SPATA1: variants seen among roughly 807,000 people sequenced by gnomAD.
SPATA1 encodes spermatogenesis-associated protein 1.
In SPATA1, 57 loss-of-function variants were observed where a neutral mutation model predicts 59.6. That is an observed-to-expected ratio of 0.96 (90% CI 0.77 to 1.19). The LOEUF is 1.19. Among genes scored for constraint, SPATA1 ranks in the 50% most tolerant of loss-of-function variants. The pLI, the probability that SPATA1 is intolerant of heterozygous loss-of-function variation, is 0.00. For missense variants in SPATA1, 448 were observed against 480.7 expected, an observed-to-expected ratio of 0.93 and a Z score of 0.64; for synonymous variants, 147 against 163.9, an observed-to-expected ratio of 0.90 and a Z score of 0.79.
intron 4 of SPATA1, among the ~76,000 whole-genome samples, 163 bp downstream of exon 4, chr1:84,522,670 G>A (rs1416140007): frequency 2.0e-5 from 3 of 152,124 alleles, no homozygotes; most frequent in Non-Finnish European, 4.4e-5. Flanking sequence ...ACAAAGATAA[G>A]TTGCATAGGC....
chr1:84,554,881 A>T, downstream of SPATA1: 1 of 756,300 alleles, frequency 1.3e-6, no homozygotes, highest in Non-Finnish European at 2.1e-6. Context: ...ACATTTATTT[A>T]TTCTTTTTTT....
At chr1:84,555,078 T>G, downstream of SPATA1, 1 of 1,614,040 alleles carries the variant, frequency 6.2e-7, no homozygotes, top group Non-Finnish European at 8.5e-7. Flanking sequence ...TCCAGAGTAG[T>G]CAAGACAGTT....
At chr1:84,545,007 G>A (rs1457777893) in intron 9 of SPATA1, among the ~76,000 whole-genome samples, 3 of 149,960 alleles carry the variant, frequency 2.0e-5, no homozygotes, top group South Asian at 4.3e-4. Flanking sequence ...TCAGGAGTTC[G>A]AGACCAGCCT....
chr1:84,525,173 G>C (rs542035782), intron 4 of SPATA1, among the ~76,000 whole-genome samples: 136 of 152,222 alleles, frequency 8.9e-4, no homozygotes, highest in African/African-American at 3.2e-3. Flanking sequence ...CACCATGTTG[G>C]CCAGGCTGGC....
chr1:84,541,939 T>G (rs928341115), intron 8 of SPATA1, among the ~76,000 whole-genome samples: 14 of 152,014 alleles, frequency 9.2e-5, no homozygotes, highest in African/African-American at 1.4e-4. Context: ...TTTGAGTTTT[T>G]TTTGTTTGTT....
chr1:84,549,515 G>A (rs1277480845), intron 11 of SPATA1: 5 of 152,156 alleles, frequency 3.3e-5, no homozygotes, highest in Non-Finnish European at 7.4e-5. Context: ...CTATAGTCCT[G>A]TTATTTGGTG....
chr1:84,530,057 C>T (rs1027728950), intron 6 of SPATA1, among the ~76,000 whole-genome samples: 3 of 151,940 alleles, frequency 2.0e-5, no homozygotes, highest in Non-Finnish European at 4.4e-5. Flanking sequence ...GGGGTTTCAC[C>T]GTGTTGCCCA....
At chr1:84,543,718 A>C (rs1305252774) in intron 8 of SPATA1, among the ~76,000 whole-genome samples, 2 of 152,210 alleles carry the variant, frequency 1.3e-5, no homozygotes, top group African/African-American at 4.8e-5. Flanking sequence ...AGGTAGAAAC[A>C]CAAAAATTAG....
chr1:84,531,758 G>A (rs1036994966), intron 6 of SPATA1, among the ~76,000 whole-genome samples: 1 of 151,352 alleles, frequency 6.6e-6, no homozygotes, highest in African/African-American at 2.4e-5. Flanking sequence ...TATTTTTCTA[G>A]AGATATTGCC....
At chr1:84,545,883 G>T in intron 10 of SPATA1, 124 bp downstream of exon 10, 1 of 688,706 alleles carries the variant, frequency 1.5e-6, no homozygotes. Context: ...AGTTTAAGTG[G>T]TACATGATTA....
At chr1:84,551,277 GAAT>G (rs1684262008) in intron 12 of SPATA1, 3 of 981,764 alleles carry the variant, frequency 3.1e-6, no homozygotes, top group Non-Finnish European at 3.6e-6. Flanking sequence ...TTATGACACA[GAAT>G]AATGACTGCA....
chr1:84,549,064 AC>A, intron 11 of SPATA1, 100 bp downstream of exon 11: 1 of 1,199,130 alleles, frequency 8.3e-7, no homozygotes, highest in Non-Finnish European at 1.1e-6. Context: ...GCTAACTTTG[AC>A]TTAAACTTGC....
chr1:84,534,550 G>T (rs899341581), intron 8 of SPATA1, among the ~76,000 whole-genome samples: 3 of 151,986 alleles, frequency 2.0e-5, no homozygotes, highest in Admixed American at 6.5e-5. Context: ...CTAGAGCTGG[G>T]CTTAGATCCT....
exon 10 of SPATA1, chr1:84,545,746 A>T: frequency 6.6e-7 from 1 of 1,517,042 alleles, no homozygotes; most frequent in Non-Finnish European, 8.7e-7. Flanking sequence ...AAAGCAAATT[A>T]AAACGATATC....
intron 1 of SPATA1, among the ~76,000 whole-genome samples, chr1:84,510,018 AC>A (rs1343571106): frequency 3.3e-5 from 5 of 151,786 alleles, no homozygotes; most frequent in African/African-American, 1.2e-4. Context: ...CAAAGTCAAA[AC>A]CCCATCTTGA....
chr1:84,563,538 G>GA (rs1684633513), intron 4 of SPATA1: 1 of 747,618 alleles, frequency 1.3e-6, no homozygotes, highest in Non-Finnish European at 1.9e-6. Context: ...TGACTATACA[G>GA]AAAAAAGGTT....
intron 8 of SPATA1, among the ~76,000 whole-genome samples, chr1:84,543,672 T>C (rs532813961): frequency 2.6e-5 from 4 of 152,130 alleles, no homozygotes; most frequent in Non-Finnish European, 5.9e-5. Flanking sequence ...CAATTCAACA[T>C]GATATTTGGA....
chr1:84,528,390 A>T (rs1183054709), intron 6 of SPATA1, among the ~76,000 whole-genome samples: 1 of 152,028 alleles, frequency 6.6e-6, no homozygotes, highest in Non-Finnish European at 1.5e-5. Context: ...TTACTCTATG[A>T]TTCTTTTGAT....
chr1:84,560,323 T>C (rs1404911932), intron 4 of SPATA1, among the ~76,000 whole-genome samples: 1 of 152,068 alleles, frequency 6.6e-6, no homozygotes, highest in Non-Finnish European at 1.5e-5. Flanking sequence ...TCCTACCCCA[T>C]ACCCATGAGA....
Sources: allele counts gnomAD v4.1 joint callset (sites outside exome capture counted in the v4.1 genomes callset), GRCh38; gene constraint gnomAD v4.1.1; transcripts MANE v1.5; gene names NCBI Gene and HGNC (gene_info 2026-07-23, HGNC 2026-07-21).